The following MEIS1 variants were observed in gnomAD, a reference collection of about 807,000 sequenced individuals.
The protein encoded by MEIS1 is homeobox protein Meis1.
In MEIS1, 5 loss-of-function variants were observed where a neutral mutation model predicts 50.8. That is an observed-to-expected ratio of 0.10 (90% CI 0.05 to 0.21). MEIS1 has a LOEUF of 0.21. Ranked by LOEUF, MEIS1 falls within the 10% of genes least tolerant of loss-of-function variation. The pLI is 1.00. For synonymous variants in MEIS1, 176 were observed against 179.3 expected (o/e 0.98, Z 0.15); for missense variants, 318 against 517.3 (o/e 0.61, Z 3.74).
Position 66,573,318 on chromosome 2 carries a change from C to T in MEIS1, c.*2110C>T, listed in dbSNP as rs1346267258. 1 of 152,040 alleles carries T rather than the reference C, an allele frequency of 6.6e-6. No individual in the cohort carries two copies. Among genetic ancestry groups the T allele is most frequent in the Non-Finnish European group, 1.5e-5 (1 of 68,006 alleles). 9.4% of individuals were successfully genotyped at this position (152,040 alleles called of 1,614,324 possible). ...TTATAATTTTATTTAAATAAAATTG[C>T]TGCTATAAAAAGTGCTTCCCAAAGC... On this transcript the variant is annotated 3_prime_UTR_variant, in exon 13 of 13. Coordinates refer to ENST00000272369, the MANE Select transcript of MEIS1 (RefSeq NM_002398.3).
intron 9 of MEIS1, among the ~76,000 whole-genome samples, chr2:66,555,245 GT>G (rs1212113371): frequency 7.7e-6 from 1 of 130,422 alleles, no homozygotes; most frequent in Admixed American, 8.5e-5. Context: ...TTGTGGTTGT[GT>G]GTACGTGTTC....
rs188869990 is a variant in MEIS1 at position 66,547,105 on chromosome 2, C to A, written c.889-838C>A. On this transcript the variant is annotated intron_variant, in intron 8 of 12. Coordinates refer to ENST00000272369, the MANE Select transcript of MEIS1 (RefSeq NM_002398.3). The stretch of plus-strand genomic sequence containing the variant: ...GATGGAAACCATATCCTCAGCTCCT[C>A]CCCTAAGCTTTAGAAATATGTATTT... Among the ~76,000 whole-genome samples, 20 of 152,268 alleles carry A rather than the reference C, an allele frequency of 1.3e-4. No individual in the cohort carries two copies. The East Asian group carries it at 3.5e-3, about 26-fold the overall frequency.
chr2:66,520,638 A>G (rs945168026), intron 8 of MEIS1, among the ~76,000 whole-genome samples: 1 of 152,220 alleles, frequency 6.6e-6, no homozygotes, highest in Admixed American at 6.5e-5. Context: ...CTATTTTGAC[A>G]TTGGATTATT....
chr2:66,516,953 G>C (rs1572870779), intron 8 of MEIS1, among the ~76,000 whole-genome samples: 1 of 152,172 alleles, frequency 6.6e-6, no homozygotes, highest in African/African-American at 2.4e-5. Flanking sequence ...TTGGTATCTG[G>C]ATAATCCATT....
At chr2:66,538,737 T>C (rs1032373943) in intron 8 of MEIS1, among the ~76,000 whole-genome samples, 2 of 152,194 alleles carry the variant, frequency 1.3e-5, no homozygotes, top group Admixed American at 6.5e-5. Flanking sequence ...TTAAGAATCA[T>C]GTAATAAACA....
intron 4 of MEIS1, chr2:66,441,053 G>T: frequency 3.0e-6 from 1 of 335,368 alleles, no homozygotes; most frequent in Non-Finnish European, 5.3e-6. Flanking sequence ...GCCACAGTTT[G>T]AGGGCCATTT....
At chr2:66,512,958 T>C (rs1673870226) in intron 8 of MEIS1, among the ~76,000 whole-genome samples, 1 of 152,196 alleles carries the variant, frequency 6.6e-6, no homozygotes, top group Non-Finnish European at 1.5e-5. Flanking sequence ...GGAATTCTCC[T>C]GGAGATGTGA....
intron 8 of MEIS1, among the ~76,000 whole-genome samples, chr2:66,518,766 T>A (rs1674034979): frequency 6.6e-6 from 1 of 152,340 alleles, no homozygotes; most frequent in South Asian, 2.1e-4. Flanking sequence ...TTTATGCTAG[T>A]TTGGTTCTTT....
chr2:66,561,374 T>C (rs1391215012), intron 9 of MEIS1, among the ~76,000 whole-genome samples: 1 of 152,204 alleles, frequency 6.6e-6, no homozygotes, highest in Non-Finnish European at 1.5e-5. Flanking sequence ...TACCTTCCAA[T>C]GATAAATTTT....
At chr2:66,452,915 C>T (rs566223902) in intron 6 of MEIS1, among the ~76,000 whole-genome samples, 1 of 152,010 alleles carries the variant, frequency 6.6e-6, no homozygotes, top group South Asian at 2.1e-4. Context: ...ACAGAATATG[C>T]TTGTTCTGTG....
rs762919433 is a variant in MEIS1 at position 66,571,259 on chromosome 2, G to A, written c.*51G>A. 11 of 1,590,340 alleles carry A rather than the reference G, an allele frequency of 6.9e-6. No homozygotes were observed. The Admixed American group carries it at 1.3e-4, about 18-fold the overall frequency. On this transcript the variant is annotated 3_prime_UTR_variant, in exon 13 of 13. Coordinates refer to ENST00000272369, the MANE Select transcript of MEIS1 (RefSeq NM_002398.3). ...AATTTCTTACAGGGCTGCAAAGTAT[G>A]CCAGGGGAGTATGTAGCCCGGGGTG...
intron 2 of MEIS1, among the ~76,000 whole-genome samples, chr2:66,438,273 C>A (rs574380890): frequency 6.6e-6 from 1 of 152,204 alleles, no homozygotes; most frequent in Non-Finnish European, 1.5e-5. Context: ...TGGAGTCCTC[C>A]CTCGCTCGAT....
intron 5 of MEIS1, among the ~76,000 whole-genome samples, chr2:66,442,278 A>C (rs1397973308): frequency 3.1e-4 from 40 of 129,182 alleles, no homozygotes; most frequent in Non-Finnish European, 6.0e-4. Context: ...TGTAAAAAAA[A>C]AAAAAAAAAA....
At chr2:66,461,128 T>G (rs930007935) in intron 6 of MEIS1, among the ~76,000 whole-genome samples, 4 of 152,224 alleles carry the variant, frequency 2.6e-5, no homozygotes, top group African/African-American at 9.6e-5. Context: ...TTGATTTTAT[T>G]CTGTCAGCCT....
intron 6 of MEIS1, among the ~76,000 whole-genome samples, chr2:66,455,170 TTAAGA>T (rs1672360244): frequency 6.6e-6 from 1 of 152,204 alleles, no homozygotes; most frequent in Non-Finnish European, 1.5e-5. Flanking sequence ...TTCTCTCTTC[TTAAGA>T]TTTTTCTCTA....
chr2:66,452,681 C>A (rs924406581), intron 6 of MEIS1, among the ~76,000 whole-genome samples: 1 of 151,762 alleles, frequency 6.6e-6, no homozygotes, highest in African/African-American at 2.4e-5. Context: ...ATTATTTAAC[C>A]CCCTTCCTTT....
At chr2:66,516,363 A>G (rs568817912) in intron 8 of MEIS1, among the ~76,000 whole-genome samples, 3 of 152,160 alleles carry the variant, frequency 2.0e-5, no homozygotes. Context: ...ACCAGTCGGA[A>G]TGGTGATTCT....
At chr2:66,527,881 T>G (rs894589785) in intron 8 of MEIS1, among the ~76,000 whole-genome samples, 7 of 152,066 alleles carry the variant, frequency 4.6e-5, no homozygotes, top group Non-Finnish European at 8.8e-5. Context: ...TCATTAAAAG[T>G]TTTTTCCAAG....
chr2:66,550,132 A>C (rs987289222), intron 9 of MEIS1, among the ~76,000 whole-genome samples: 2 of 152,208 alleles, frequency 1.3e-5, no homozygotes, highest in East Asian at 1.9e-4. Context: ...TCACACTGCT[A>C]TTCAATTCTG....
Sources: gnomAD v4.1 joint callset for allele counts (sites outside exome capture counted in the v4.1 genomes callset) on GRCh38, gnomAD v4.1.1 for gene constraint, MANE v1.5 for transcripts, NCBI Gene and HGNC (gene_info 2026-07-23, HGNC 2026-07-21) for gene names.